Variants in SESTD1 observed in about 807,000 individuals in gnomAD.
SESTD1 encodes SEC14 and spectrin domain containing 1.
Under a neutral mutation model 101.7 loss-of-function variants are expected in SESTD1, and 43 were observed. The observed-to-expected ratio is 0.42, with a 90% CI of 0.33 to 0.55. SESTD1 has a LOEUF of 0.55. SESTD1 is among the 20% of genes least tolerant of loss of function. The pLI is 0.07. For missense variants in SESTD1, 647 were observed against 815.1 expected, an observed-to-expected ratio of 0.79 and a Z score of 2.51; for synonymous variants, 283 against 286.8, an observed-to-expected ratio of 0.99 and a Z score of 0.13.
At chr2:179,120,206 T>C (rs2044718219) in intron 13 of SESTD1, among the ~76,000 whole-genome samples, 2 of 151,624 alleles carry the variant, frequency 1.3e-5, no homozygotes, top group South Asian at 4.2e-4. Flanking sequence ...TCCAGCCTAG[T>C]GACAGAGCGA....
chr2:179,143,366 GTTCA>G (rs1259199346), intron 9 of SESTD1, among the ~76,000 whole-genome samples: 1 of 152,100 alleles, frequency 6.6e-6, no homozygotes, highest in African/African-American at 2.4e-5. Context: ...TATTTTTGAA[GTTCA>G]TTGTTACACT....
At chr2:179,249,863 G>A (rs1334919887) in intron 1 of SESTD1, among the ~76,000 whole-genome samples, 1 of 149,320 alleles carries the variant, frequency 6.7e-6, no homozygotes, top group African/African-American at 2.5e-5. Context: ...CCTACAAATG[G>A]TGGTAGAGCA....
intron 1 of SESTD1, among the ~76,000 whole-genome samples, chr2:179,234,998 T>C (rs928790497): frequency 6.0e-5 from 9 of 149,714 alleles, no homozygotes; most frequent in Non-Finnish European, 1.2e-4. Flanking sequence ...ACTGAGGAAG[T>C]GTTCTGTATT....
intron 1 of SESTD1, among the ~76,000 whole-genome samples, chr2:179,250,568 T>C (rs930278557): frequency 6.6e-6 from 1 of 152,206 alleles, no homozygotes; most frequent in African/African-American, 2.4e-5. Flanking sequence ...CTGCCTTTTC[T>C]CTGTGCCCTT....
intron 1 of SESTD1, among the ~76,000 whole-genome samples, chr2:179,225,745 G>A (rs932330510): frequency 6.6e-6 from 1 of 152,124 alleles, no homozygotes; most frequent in African/African-American, 2.4e-5. Context: ...ACAGAAAAGT[G>A]GGAGAGCAAG....
rs554439328 is a variant in SESTD1, at chr2:179,183,172, C to T, written c.72G>A (p.Arg24=). Residue 24 remains arginine (R), a synonymous_variant, in exon 3 of 18, where the codon CGG becomes CGA. Coordinates refer to ENST00000428443, the MANE Select transcript of SESTD1 (RefSeq NM_178123.5). The part of the protein sequence containing the change: ...LAFLSGGKDR[R]SGLILTIPLC... ...ATGGAATTGTCAAAATGAGGCCACT[C>T]CGTCTGTCTTTTCCTCCTATTAAAA... 2.7e-5 allele frequency: 43 copies of T among 1,610,116 alleles called. No homozygotes were observed. The South Asian group carries it at 4.7e-4, about 18-fold the overall frequency.
intron 5 of SESTD1, among the ~76,000 whole-genome samples, chr2:179,157,581 T>C (rs999084259): frequency 3.9e-5 from 6 of 152,200 alleles, no homozygotes; most frequent in African/African-American, 1.4e-4. Flanking sequence ...GGATGAGTTA[T>C]TTCTGGGTTC....
chr2:179,166,642 C>A (rs1012211982), intron 5 of SESTD1, among the ~76,000 whole-genome samples: 1 of 152,160 alleles, frequency 6.6e-6, no homozygotes, highest in Non-Finnish European at 1.5e-5. Context: ...TACTGAATAA[C>A]AAGGAACAGC....
At chr2:179,139,948 T>G (rs1035388107) in intron 9 of SESTD1, among the ~76,000 whole-genome samples, 1 of 152,236 alleles carries the variant, frequency 6.6e-6, no homozygotes, top group African/African-American at 2.4e-5. Context: ...GGTCTGTTAC[T>G]GGCCAGAGGA....
intron 2 of SESTD1, among the ~76,000 whole-genome samples, chr2:179,191,356 T>C (rs192952744): frequency 6.6e-6 from 1 of 152,142 alleles, no homozygotes; most frequent in Admixed American, 6.5e-5. Flanking sequence ...CACATTCTCA[T>C]TTGTAAGAGG....
rs563016760 is a variant in SESTD1, at chr2:179,107,729, T to A, written c.*2170A>T. The A allele has an allele frequency of 6.6e-6, 1 of 152,292 alleles. No individual in the cohort carries two copies. The highest frequency in any genetic ancestry group is 2.1e-4 in the South Asian group (1 of 4,828). The allele number at this position is 152,292 out of a possible 1,614,324, so 9.4% of individuals were successfully genotyped here. A position where few individuals can be genotyped will look rare whatever the true frequency, so the allele number is the denominator to read the frequency against. Reference sequence around the variant, plus strand: ...ATACAGCATTCATATTTAGGAGGAATGGGCATCTGTTATGCATGAGCAAGA... The same window carrying A: ...ATACAGCATTCATATTTAGGAGGAAAGGGCATCTGTTATGCATGAGCAAGA... On this transcript the variant is annotated 3_prime_UTR_variant, in exon 18 of 18. Transcript: ENST00000428443.
Position 179,151,649 on chromosome 2 carries a change from T to C in SESTD1, c.370-258A>G, listed in dbSNP as rs538641132. Among the ~76,000 whole-genome samples, 261 of 152,290 alleles carry C rather than the reference T, an allele frequency of 1.7e-3. 1 individual carries two copies. Among genetic ancestry groups the C allele is most frequent in the Middle Eastern group, 6.8e-3 (2 of 294 alleles). On this transcript the variant is annotated intron_variant, in intron 5 of 17. Coordinates refer to ENST00000428443, the MANE Select transcript of SESTD1 (RefSeq NM_178123.5). Reference sequence around the variant, plus strand: ...AGTTCAGATGAAATATTTTCAAAAATATTTTATCTTGTTTCTTTGTAATAA... The same window carrying C: ...AGTTCAGATGAAATATTTTCAAAAACATTTTATCTTGTTTCTTTGTAATAA...
In SESTD1 at chr2:179,264,798, G is replaced by A. The variant is rs557930048; in HGVS notation, c.-325C>T. 1 of 151,620 alleles carries A rather than the reference G, an allele frequency of 6.6e-6. No individual in the cohort carries two copies. Among genetic ancestry groups the A allele is most frequent in the Non-Finnish European group, 1.5e-5 (1 of 67,754 alleles). 9.4% of individuals were successfully genotyped at this position (151,620 alleles called of 1,614,324 possible). A position where few individuals can be genotyped will look rare whatever the true frequency, so the allele number is the denominator to read the frequency against. On this transcript the variant is annotated 5_prime_UTR_variant, in exon 1 of 18. Transcript: ENST00000428443. ...ACCCCGCGCGCGCCCGGGTGACGGC[G>A]GTACAGCAACCCGCCCGGCGCGGGA...
chr2:179,160,346 T>C (rs2045711470), intron 5 of SESTD1, among the ~76,000 whole-genome samples: 1 of 152,062 alleles, frequency 6.6e-6, no homozygotes, highest in African/African-American at 2.4e-5. Flanking sequence ...TCTAAAGAAA[T>C]ATTTTCCAAA....
chr2:179,227,720 G>A (rs1036385018), intron 1 of SESTD1, among the ~76,000 whole-genome samples: 11 of 152,008 alleles, frequency 7.2e-5, no homozygotes, highest in South Asian at 2.1e-4. Context: ...AGCAATTCCC[G>A]GTTTTCAATG....
intron 5 of SESTD1, among the ~76,000 whole-genome samples, chr2:179,160,613 C>T (rs538728616): frequency 3.9e-5 from 6 of 152,038 alleles, no homozygotes; most frequent in Non-Finnish European, 7.4e-5. Context: ...GATAAACCTT[C>T]TTTAAAAATC....
At position 179,107,198 on chromosome 2, in the gene SESTD1, T is replaced by C. The variant is rs1485661626; in HGVS notation, c.*2701A>G. The stretch of plus-strand genomic sequence containing the variant: ...TTACCTTAAGTGAGCTTTGACCCTA[T>C]GGAAGAAAGTTGCTTTAGGGCATTA... On this transcript the variant is annotated 3_prime_UTR_variant, in exon 18 of 18. Coordinates refer to ENST00000428443, the MANE Select transcript of SESTD1 (RefSeq NM_178123.5). 6.6e-6 allele frequency: 1 copy of C among 152,162 alleles called. No homozygotes were observed. The highest frequency in any genetic ancestry group is 1.5e-5 in the Non-Finnish European group (1 of 68,024). 9.4% of individuals were successfully genotyped at this position (152,162 alleles called of 1,614,324 possible). A position where few individuals can be genotyped will look rare whatever the true frequency, so the allele number is the denominator to read the frequency against.
At chr2:179,179,277 T>C (rs1321675788) in intron 3 of SESTD1, among the ~76,000 whole-genome samples, 2 of 152,184 alleles carry the variant, frequency 1.3e-5, no homozygotes, top group Non-Finnish European at 1.5e-5. Context: ...GTTAGCATGT[T>C]TATAACTATA....
At chr2:179,263,706 C>G (rs374575857) in intron 1 of SESTD1, among the ~76,000 whole-genome samples, 1 of 152,180 alleles carries the variant, frequency 6.6e-6, no homozygotes, top group East Asian at 1.9e-4. Flanking sequence ...CAGCCAAGTC[C>G]AAACCGTGCA....
Sources: gnomAD v4.1 joint callset for allele counts (sites outside exome capture counted in the v4.1 genomes callset) on GRCh38, gnomAD v4.1.1 for gene constraint, MANE v1.5 for transcripts, NCBI Gene and HGNC (gene_info 2026-07-23, HGNC 2026-07-21) for gene names.